ADD1: variants seen among roughly 807,000 people sequenced by gnomAD.
ADD1 encodes adducin 1, also known as alpha-adducin.
ADD1 carries 24 observed loss-of-function variants against 80.5 expected under a neutral mutation model. The ratio of observed to expected loss-of-function variants is 0.30; its 90% CI spans 0.22 to 0.42. The LOEUF is 0.42. Among genes scored for constraint, ADD1 ranks in the 10% least tolerant of loss-of-function variants. The probability of loss-of-function intolerance (pLI) is 1.00; values close to 1 mark genes in which losing one functional copy is unlikely to be tolerated. For synonymous variants in ADD1, 373 were observed against 393.8 expected (o/e 0.95, Z 0.63); for missense variants, 948 against 1,019.0 (o/e 0.93, Z 0.95).
intron 12 of ADD1, chr4:2,909,015 G>T (rs189100591): frequency 8.9e-5 from 41 of 458,772 alleles, no homozygotes; most frequent in Non-Finnish European, 8.0e-6. Context: ...GCCTGTAAGT[G>T]TGGTGCACAT....
intron 13 of ADD1, among the ~76,000 whole-genome samples, chr4:2,914,318 T>C (rs1738613085): frequency 1.3e-5 from 2 of 152,366 alleles, no homozygotes; most frequent in South Asian, 4.1e-4. Flanking sequence ...GTTTTCCAAA[T>C]TCCTCAGCTA....
At chr4:2,884,180 A>G (rs538296129) in intron 3 of ADD1, among the ~76,000 whole-genome samples, 1 of 151,908 alleles carries the variant, frequency 6.6e-6, no homozygotes, top group South Asian at 2.1e-4. Context: ...AAATTTGGCT[A>G]TCTTTTTGTT....
At chr4:2,915,824 CAA>C (rs1738921845) in intron 14 of ADD1, among the ~76,000 whole-genome samples, 1 of 152,070 alleles carries the variant, frequency 6.6e-6, no homozygotes, top group South Asian at 2.1e-4. Flanking sequence ...AAAGAAATTG[CAA>C]AGTTAGGCAC....
intron 4 of ADD1, among the ~76,000 whole-genome samples, chr4:2,891,314 A>G (rs1734265957): frequency 6.6e-6 from 1 of 151,950 alleles, no homozygotes; most frequent in African/African-American, 2.4e-5. Context: ...TTAGCTGGGC[A>G]TGGTGTGCCT....
At chr4:2,883,268 T>C (rs563561170) in intron 3 of ADD1, among the ~76,000 whole-genome samples, 2 of 152,180 alleles carry the variant, frequency 1.3e-5, no homozygotes, top group Non-Finnish European at 2.9e-5. Context: ...AGGATCCCTT[T>C]CCGAAATAAT....
chr4:2,904,508 C>T (rs1218930760), intron 9 of ADD1, among the ~76,000 whole-genome samples: 2 of 152,232 alleles, frequency 1.3e-5, no homozygotes, highest in Non-Finnish European at 2.9e-5. Flanking sequence ...ACTAGACTAT[C>T]CATCTCCTAT....
chr4:2,890,027 G>A (rs1734036216), intron 4 of ADD1, among the ~76,000 whole-genome samples: 2 of 150,620 alleles, frequency 1.3e-5, no homozygotes, highest in South Asian at 2.1e-4. Flanking sequence ...GTGAAACTCC[G>A]TCTCTGCTAA....
At chr4:2,877,850 C>T (rs921299690) in intron 2 of ADD1, among the ~76,000 whole-genome samples, 21 of 152,130 alleles carry the variant, frequency 1.4e-4, no homozygotes, top group Non-Finnish European at 1.3e-4. Flanking sequence ...GTGGCATGCC[C>T]CGGCAATCCC....
At chr4:2,896,012 C>T (rs1157160825) in intron 6 of ADD1, among the ~76,000 whole-genome samples, 1 of 152,034 alleles carries the variant, frequency 6.6e-6, no homozygotes, top group African/African-American at 2.4e-5. Flanking sequence ...CTCAGCCTCC[C>T]AAGTAGCTGG....
Position 2,915,096 on chromosome 4 carries a change from G to A in ADD1, c.1948+56G>A, listed in dbSNP as rs1244782200. ...TCCAGAAGGTGAAAGTGCTCTGGGA[G>A]CTTCTTTGTGGTCCAGGTGCTGGCT... On this transcript the variant is annotated intron_variant, in intron 14 of 15. Coordinates refer to ENST00000683351, the MANE Select transcript of ADD1 (RefSeq NM_001354761.2). 35 of 1,531,046 alleles carry A rather than the reference G, an allele frequency of 2.3e-5. No homozygotes were observed. The South Asian group carries it at 2.8e-4, about 12-fold the overall frequency. 94.8% of individuals were successfully genotyped at this position (1,531,046 alleles called of 1,614,324 possible). A position where few individuals can be genotyped will look rare whatever the true frequency, so the allele number is the denominator to read the frequency against.
chr4:2,908,383 G>T, intron 11 of ADD1, 132 bp from the exon 12 acceptor site: 1 of 746,704 alleles, frequency 1.3e-6, no homozygotes. Context: ...GGGCCATCCT[G>T]CCTGCGTGGG....
At chr4:2,857,039 A>C (rs1238786111) in intron 1 of ADD1, among the ~76,000 whole-genome samples, 2 of 151,862 alleles carry the variant, frequency 1.3e-5, no homozygotes, top group Non-Finnish European at 2.9e-5. Flanking sequence ...CAGCCTCCTG[A>C]GTAGCTGGGA....
At position 2,928,492 on chromosome 4, in the gene ADD1, TGAA is replaced by T; in HGVS notation, c.2375_2377del (p.Lys792del). ...AAGAAGTTCCGTACCCCGTCCTTTC[TGAA>T]GAAGAGCAAGAAGAAGAGTGACTCC... On this transcript the variant is annotated inframe_deletion, in exon 16 of 16. Transcript: ENST00000683351. 2 of 1,613,624 alleles carry T rather than the reference TGAA, an allele frequency of 1.2e-6. No individual in the cohort carries two copies. Among genetic ancestry groups the T allele is most frequent in the Non-Finnish European group, 1.7e-6 (2 of 1,179,958 alleles).
chr4:2,884,634 G>C lies in ADD1; in HGVS notation c.478G>C (p.Gly160Arg). 6.2e-7 allele frequency: 1 copy of C among 1,610,818 alleles called. No homozygotes were observed. Among genetic ancestry groups the C allele is most frequent in the Non-Finnish European group, 8.5e-7 (1 of 1,178,070 alleles). Residue 160 changes from glycine (G) to arginine (R), a missense_variant, in exon 4 of 16, where the codon GGG (glycine) becomes CGG (arginine). Physicochemically the swap from Gly to Arg is moderately radical, Grantham distance 125. Coordinates refer to ENST00000683351, the MANE Select transcript of ADD1 (RefSeq NM_001354761.2). ...GTTTTATAGACTAGCAGATCTCTTT[G>C]GGTGGTCTCAGCTTATCTACAATCA... ...AAFYRLADLF[G>R]WSQLIYNHIT...
chr4:2,885,433 C>T (rs1733096310), intron 4 of ADD1, among the ~76,000 whole-genome samples: 1 of 152,174 alleles, frequency 6.6e-6, no homozygotes, highest in African/African-American at 2.4e-5. Flanking sequence ...GCCTTCTCTA[C>T]TATCTTTGAG....
intron 4 of ADD1, among the ~76,000 whole-genome samples, chr4:2,890,450 C>T (rs1734119065): frequency 6.6e-6 from 1 of 152,156 alleles, no homozygotes; most frequent in Non-Finnish European, 1.5e-5. Context: ...CCCTGTCACC[C>T]AGGCTAGAGT....
At chr4:2,884,923 T>A (rs59790260) in intron 4 of ADD1, among the ~76,000 whole-genome samples, 2 of 152,238 alleles carry the variant, frequency 1.3e-5, no homozygotes, top group South Asian at 4.1e-4. Context: ...CCAGATTATA[T>A]GCAGTTTCTA....
intron 1 of ADD1, among the ~76,000 whole-genome samples, chr4:2,859,622 C>G (rs1347944130): frequency 6.6e-6 from 1 of 152,228 alleles, no homozygotes; most frequent in Non-Finnish European, 1.5e-5. Flanking sequence ...AAAACCAAAG[C>G]AGACATTTCC....
At chr4:2,912,479 A>G (rs940880553) in intron 13 of ADD1, among the ~76,000 whole-genome samples, 3 of 152,202 alleles carry the variant, frequency 2.0e-5, no homozygotes, top group African/African-American at 7.2e-5. Context: ...TGGGGCATCA[A>G]AATTGGGAAC....
Sources: allele counts gnomAD v4.1 joint callset (sites outside exome capture counted in the v4.1 genomes callset), GRCh38; gene constraint gnomAD v4.1.1; transcripts MANE v1.5; gene names NCBI Gene and HGNC (gene_info 2026-07-23, HGNC 2026-07-21).